LAPTM4B: variants seen among roughly 807,000 people sequenced by gnomAD.
The protein encoded by LAPTM4B is lysosomal-associated transmembrane protein 4B.
Under a neutral mutation model 28.5 loss-of-function variants are expected in LAPTM4B, and 26 were observed. The observed-to-expected ratio is 0.91, with a 90% CI of 0.67 to 1.27. The LOEUF (loss-of-function observed/expected upper bound fraction) is 1.27, where lower values mean the gene tolerates loss of function less well. Among genes scored for constraint, LAPTM4B ranks in the 50% most tolerant of loss-of-function variants. LAPTM4B has a pLI of 0.00. For missense variants in LAPTM4B, 288 were observed against 285.8 expected, an observed-to-expected ratio of 1.01 and a Z score of -0.06; for synonymous variants, 109 against 106.4, an observed-to-expected ratio of 1.02 and a Z score of -0.15.
At chr8:97,818,870 GAA>G (rs58053654) in intron 4 of LAPTM4B, among the ~76,000 whole-genome samples, 1 of 117,952 alleles carries the variant, frequency 8.5e-6, no homozygotes. Flanking sequence ...TCTCAAAAAA[GAA>G]AAAAAAAAAA....
At position 97,851,602 on chromosome 8, in the gene LAPTM4B, T is replaced by C. The variant is rs1308832722; in HGVS notation, c.*128T>C. 7.1e-6 allele frequency: 5 copies of C among 707,282 alleles called. No individual in the cohort carries two copies. Among genetic ancestry groups the C allele is most frequent in the African/African-American group, 5.3e-5 (3 of 56,246 alleles). The allele number at this position is 707,282 out of a possible 1,614,324, so 43.8% of individuals were successfully genotyped here. A position where few individuals can be genotyped will look rare whatever the true frequency, so the allele number is the denominator to read the frequency against. On this transcript the variant is annotated 3_prime_UTR_variant, in exon 7 of 7. Coordinates refer to ENST00000521545, the MANE Select transcript of LAPTM4B (RefSeq NM_018407.6). The stretch of plus-strand genomic sequence containing the variant: ...GTTGCTGAAATGCTACTTTTTAAAA[T>C]TTAGATGTTAGATTGAAAACTGTAG...
intron 6 of LAPTM4B, among the ~76,000 whole-genome samples, chr8:97,845,362 T>C (rs1271960483): frequency 6.7e-6 from 1 of 148,216 alleles, no homozygotes. Context: ...TTTTTTAAAC[T>C]TTTACCTAGT....
chr8:97,789,608 AC>A (rs1816467616), intron 1 of LAPTM4B, among the ~76,000 whole-genome samples: 1 of 146,438 alleles, frequency 6.8e-6, no homozygotes, highest in Non-Finnish European at 1.5e-5. Flanking sequence ...GCTCATCGCA[AC>A]CCCTGCCTCC....
At chr8:97,842,327 C>A (rs1434073022) in intron 6 of LAPTM4B, among the ~76,000 whole-genome samples, 1 of 151,896 alleles carries the variant, frequency 6.6e-6, no homozygotes, top group Non-Finnish European at 1.5e-5. Flanking sequence ...CTATTTGGCC[C>A]ACATAGTTTA....
chr8:97,817,914 A>AC (rs1336395440), intron 4 of LAPTM4B, among the ~76,000 whole-genome samples: 2 of 151,790 alleles, frequency 1.3e-5, no homozygotes, highest in African/African-American at 4.8e-5. Flanking sequence ...TCTGGGCTCA[A>AC]GTGATCCTTC....
intron 4 of LAPTM4B, 83 bp from the exon 5 acceptor site, chr8:97,819,057 A>G: frequency 1.2e-6 from 1 of 834,252 alleles, no homozygotes; most frequent in Non-Finnish European, 2.0e-6. Flanking sequence ...TTGCTTTCTG[A>G]TAAGCATGTC....
In LAPTM4B at chr8:97,776,081, C is replaced by A; in HGVS notation, c.72C>A (p.Gly24=). 1 of 1,587,386 alleles carries A rather than the reference C, an allele frequency of 6.3e-7. No individual in the cohort carries two copies. Among genetic ancestry groups the A allele is most frequent in the South Asian group, 1.1e-5 (1 of 90,018 alleles). Residue 24 remains glycine, a synonymous_variant, in exon 1 of 7, where the codon GGC becomes GGA. Coordinates refer to ENST00000521545, the MANE Select transcript of LAPTM4B (RefSeq NM_018407.6). ...GCTTGTGCTGCCATGTCCGCACCGG[C>A]ACCATCCTGCTCGGCGTCTGGTATC... The part of the protein sequence containing the change: ...SCCLCCHVRT[G]TILLGVWYLI...
chr8:97,833,774 T>C (rs1189056656), intron 6 of LAPTM4B, among the ~76,000 whole-genome samples: 1 of 152,182 alleles, frequency 6.6e-6, no homozygotes, highest in African/African-American at 2.4e-5. Context: ...TTTTTGGAAG[T>C]CAAGAACCAT....
intron 6 of LAPTM4B, among the ~76,000 whole-genome samples, chr8:97,838,989 A>T (rs1444328528): frequency 1.3e-5 from 2 of 152,154 alleles, no homozygotes; most frequent in Non-Finnish European, 2.9e-5. Flanking sequence ...CGATGTTGTC[A>T]TATGCGCATA....
chr8:97,810,879 C>G (rs1354840221), intron 2 of LAPTM4B, among the ~76,000 whole-genome samples: 1 of 152,188 alleles, frequency 6.6e-6, no homozygotes, highest in Non-Finnish European at 1.5e-5. Flanking sequence ...CTTATATATA[C>G]AGTCACCTGA....
chr8:97,848,133 A>G (rs959956021), intron 6 of LAPTM4B, among the ~76,000 whole-genome samples: 1 of 151,940 alleles, frequency 6.6e-6, no homozygotes, highest in African/African-American at 2.4e-5. Flanking sequence ...GTAGTGGCGC[A>G]TGTCTGTAAT....
chr8:97,794,321 T>A (rs1016212414), intron 1 of LAPTM4B, among the ~76,000 whole-genome samples: 2 of 152,108 alleles, frequency 1.3e-5, no homozygotes, highest in African/African-American at 4.8e-5. Flanking sequence ...ATATAAAAAT[T>A]AGCTCATCTT....
At chr8:97,797,286 C>T (rs1204280310) in intron 1 of LAPTM4B, among the ~76,000 whole-genome samples, 1 of 152,048 alleles carries the variant, frequency 6.6e-6, no homozygotes, top group Non-Finnish European at 1.5e-5. Context: ...AGACATGCGC[C>T]ACCACGCACG....
At chr8:97,806,097 GT>G (rs1425239957) in intron 2 of LAPTM4B, among the ~76,000 whole-genome samples, 1 of 152,296 alleles carries the variant, frequency 6.6e-6, no homozygotes, top group African/African-American at 2.4e-5. Flanking sequence ...CTTCAAGTGA[GT>G]TTTTCTTAAA....
At chr8:97,782,115 G>A (rs1214516870) in intron 1 of LAPTM4B, among the ~76,000 whole-genome samples, 1 of 151,348 alleles carries the variant, frequency 6.6e-6, no homozygotes, top group East Asian at 1.9e-4. Context: ...CTAGTAGCTG[G>A]GATTACAGGC....
rs1181510961 is a variant in LAPTM4B, at chr8:97,819,060, A to G, written c.409-80A>G. Reference sequence around the variant, plus strand: ...TGCTTTAATCAGTTGCTTTCTGATAAGCATGTCTGAATTGGTGCCCAAGGA... The same window carrying G: ...TGCTTTAATCAGTTGCTTTCTGATAGGCATGTCTGAATTGGTGCCCAAGGA... On this transcript the variant is annotated intron_variant, in intron 4 of 6. Transcript: ENST00000521545. 5.9e-6 allele frequency: 5 copies of G among 842,062 alleles called. 1 individual carries two copies. The African/African-American group carries it at 8.6e-5, about 14-fold the overall frequency. 52.2% of individuals were successfully genotyped at this position (842,062 alleles called of 1,614,324 possible).
chr8:97,815,843 C>T (rs1281767616), intron 3 of LAPTM4B, among the ~76,000 whole-genome samples: 1 of 152,132 alleles, frequency 6.6e-6, no homozygotes, highest in African/African-American at 2.4e-5. Context: ...GCTGGGATTA[C>T]AGGTGTGAGA....
chr8:97,844,653 C>A (rs961926033), intron 6 of LAPTM4B, among the ~76,000 whole-genome samples: 1 of 152,268 alleles, frequency 6.6e-6, no homozygotes, highest in South Asian at 2.1e-4. Context: ...TGGTACTCCC[C>A]CTTGCTTTAC....
At chr8:97,788,798 G>A (rs1279883428) in intron 1 of LAPTM4B, among the ~76,000 whole-genome samples, 1 of 151,298 alleles carries the variant, frequency 6.6e-6, no homozygotes, top group African/African-American at 2.4e-5. Context: ...GGGTTCAAGC[G>A]AATCTTCTGC....
Sources: gnomAD v4.1 joint callset for allele counts (sites outside exome capture counted in the v4.1 genomes callset) on GRCh38, gnomAD v4.1.1 for gene constraint, MANE v1.5 for transcripts, NCBI Gene and HGNC (gene_info 2026-07-23, HGNC 2026-07-21) for gene names.